Variants in NAV2 observed in about 807,000 individuals in gnomAD.
NAV2 encodes neuron navigator 2.
A neutral mutation model predicts 223.2 loss-of-function variants in NAV2; 54 were observed. The ratio of observed to expected loss-of-function variants is 0.24; its 90% CI spans 0.19 to 0.30. The LOEUF is 0.30. Ranked by LOEUF, NAV2 falls within the 10% of genes least tolerant of loss-of-function variation. NAV2 has a pLI of 1.00. For missense variants in NAV2, 2,806 were observed against 3,147.5 expected, an observed-to-expected ratio of 0.89 and a Z score of 2.60; for synonymous variants, 1,279 against 1,239.3, an observed-to-expected ratio of 1.03 and a Z score of -0.67.
At position 20,019,572 on chromosome 11, in the gene NAV2, T is replaced by G. The variant is rs549942030; in HGVS notation, c.2769-16387T>G. Among the ~76,000 whole-genome samples the G allele has an allele frequency of 5.3e-5, 8 of 151,830 alleles. No homozygotes were observed. The East Asian group carries it at 1.5e-3, about 29-fold the overall frequency. ...CCCAGGAAAAGAAGTTAGTTAGAAG[T>G]GGTAGTTATAACTTAGTTAGAAGTT... On this transcript the variant is annotated intron_variant, in intron 11 of 37. Coordinates refer to ENST00000349880, the MANE Select transcript of NAV2 (RefSeq NM_145117.5).
intron 1 of NAV2, among the ~76,000 whole-genome samples, chr11:19,396,202 C>A (rs751696600): frequency 6.6e-6 from 1 of 152,178 alleles, no homozygotes; most frequent in Non-Finnish European, 1.5e-5. Context: ...ATCAGCAGAA[C>A]AACTGGCATT....
At chr11:19,835,331 G>C (rs1334808456) in intron 2 of NAV2, among the ~76,000 whole-genome samples, 1 of 152,142 alleles carries the variant, frequency 6.6e-6, no homozygotes, top group Non-Finnish European at 1.5e-5. Flanking sequence ...CCTCAATAAG[G>C]CTGGATATCA....
intron 1 of NAV2, among the ~76,000 whole-genome samples, chr11:19,728,043 G>A (rs534083378): frequency 5.3e-5 from 8 of 152,322 alleles, no homozygotes; most frequent in African/African-American, 1.9e-4. Context: ...GCAGGGACAG[G>A]GAAGCTGTCC....
At chr11:19,539,132 A>G (rs1025663916) in intron 1 of NAV2, among the ~76,000 whole-genome samples, 2 of 152,214 alleles carry the variant, frequency 1.3e-5, no homozygotes, top group African/African-American at 4.8e-5. Context: ...TGCCTCTGCA[A>G]CGTCACAGTT....
chr11:19,891,292 T>A (rs972972681), intron 5 of NAV2, among the ~76,000 whole-genome samples: 3 of 152,192 alleles, frequency 2.0e-5, no homozygotes, highest in African/African-American at 7.2e-5. Flanking sequence ...CACAGCTAAG[T>A]GGATTTCAAG....
intron 1 of NAV2, among the ~76,000 whole-genome samples, chr11:19,437,923 A>G (rs1407085636): frequency 1.3e-5 from 2 of 152,204 alleles, no homozygotes; most frequent in African/African-American, 2.4e-5. Flanking sequence ...CTTCTGAGTC[A>G]TTGATATGTG....
chr11:20,070,139 G>A (rs1313988097), intron 22 of NAV2, among the ~76,000 whole-genome samples: 1 of 152,112 alleles, frequency 6.6e-6, no homozygotes, highest in Non-Finnish European at 1.5e-5. Context: ...TGAGGCGTAG[G>A]TCCTGTTCAG....
intron 1 of NAV2, among the ~76,000 whole-genome samples, chr11:19,513,156 G>C (rs2043332458): frequency 6.6e-6 from 1 of 152,188 alleles, no homozygotes; most frequent in Non-Finnish European, 1.5e-5. Flanking sequence ...TTCTGCTGCA[G>C]CAATGGTGAT....
intron 1 of NAV2, among the ~76,000 whole-genome samples, chr11:19,522,898 T>G (rs1322612359): frequency 2.0e-5 from 3 of 152,168 alleles, no homozygotes; most frequent in Admixed American, 2.0e-4. Context: ...CCAACCTACC[T>G]CCGGGGTCTT....
At chr11:19,863,239 T>A (rs1455042903) in intron 3 of NAV2, among the ~76,000 whole-genome samples, 1 of 152,210 alleles carries the variant, frequency 6.6e-6, no homozygotes, top group Non-Finnish European at 1.5e-5. Flanking sequence ...TCCTTCTCCA[T>A]GTCAACTCCT....
chr11:19,928,732 T>C (rs547718004), intron 6 of NAV2, among the ~76,000 whole-genome samples: 2 of 152,240 alleles, frequency 1.3e-5, no homozygotes, highest in Admixed American at 1.3e-4. Context: ...CAGATTTGAA[T>C]AGAAGCAAGG....
intron 19 of NAV2, among the ~76,000 whole-genome samples, chr11:20,058,899 T>C (rs181000619): frequency 6.6e-6 from 1 of 152,364 alleles, no homozygotes; most frequent in East Asian, 1.9e-4. Flanking sequence ...GCTATTGTTA[T>C]AATTGTCATA....
intron 1 of NAV2, among the ~76,000 whole-genome samples, chr11:19,510,652 G>A (rs4757817): frequency 0.46 from 70,556 of 152,144 alleles, 16,402 homozygotes; most frequent in Non-Finnish European, 0.5. Context: ...CCCGAAGTCC[G>A]TTGGTCATTG....
intron 1 of NAV2, among the ~76,000 whole-genome samples, chr11:19,401,204 T>G (rs971780300): frequency 3.9e-5 from 6 of 152,350 alleles, no homozygotes; most frequent in South Asian, 2.1e-4. Flanking sequence ...TGTTAATGCA[T>G]TATTGAAAGA....
At chr11:19,949,662 C>T (rs761291296) in intron 10 of NAV2, among the ~76,000 whole-genome samples, 16 of 152,212 alleles carry the variant, frequency 1.1e-4, no homozygotes, top group Non-Finnish European at 1.6e-4. Flanking sequence ...CTACGCATCT[C>T]CACCACTCTG....
intron 1 of NAV2, among the ~76,000 whole-genome samples, chr11:19,701,921 G>A (rs375154819): frequency 6.6e-6 from 1 of 152,168 alleles, no homozygotes; most frequent in Admixed American, 6.5e-5. Flanking sequence ...ATCCTCATGG[G>A]TGTCTCTGTT....
At chr11:20,066,885 A>G (rs1564972294) in intron 20 of NAV2, among the ~76,000 whole-genome samples, 1 of 152,122 alleles carries the variant, frequency 6.6e-6, no homozygotes, top group Non-Finnish European at 1.5e-5. Flanking sequence ...ATGGGTAGAG[A>G]GAAGGTCAGG....
At chr11:19,959,435 G>A (rs181896613) in intron 10 of NAV2, among the ~76,000 whole-genome samples, 66 of 152,282 alleles carry the variant, frequency 4.3e-4, no homozygotes, top group Admixed American at 4.2e-3. Context: ...AGGTCCTGTG[G>A]GGACCTTGTA....
At chr11:19,446,882 G>A (rs1851603912) in intron 1 of NAV2, among the ~76,000 whole-genome samples, 1 of 152,196 alleles carries the variant, frequency 6.6e-6, no homozygotes, top group African/African-American at 2.4e-5. Flanking sequence ...CTGGGACCAG[G>A]GAAAGGGGAG....
Sources: allele counts gnomAD v4.1 joint callset (sites outside exome capture counted in the v4.1 genomes callset), GRCh38; gene constraint gnomAD v4.1.1; transcripts MANE v1.5; gene names NCBI Gene and HGNC (gene_info 2026-07-23, HGNC 2026-07-21).